The following PCCA variants were observed in gnomAD, a reference collection of about 807,000 sequenced individuals.
PCCA encodes the protein propionyl-CoA carboxylase subunit alpha.
In PCCA, 74 loss-of-function variants were observed where a neutral mutation model predicts 101.3. The ratio of observed to expected loss-of-function variants is 0.73; its 90% CI spans 0.61 to 0.89. The LOEUF (loss-of-function observed/expected upper bound fraction) is 0.89, where lower values mean the gene tolerates loss of function less well. PCCA is among the 40% of genes least tolerant of loss of function. The pLI is 0.00. For missense variants in PCCA, 891 were observed against 907.0 expected, an observed-to-expected ratio of 0.98 and a Z score of 0.23; for synonymous variants, 294 against 313.6, an observed-to-expected ratio of 0.94 and a Z score of 0.66.
In PCCA at chr13:100,328,689, A is replaced by ATTTTTT. The variant is rs757599001; in HGVS notation, c.1430-1855_1430-1850dup. Among the ~76,000 whole-genome samples, 72 of 98,214 alleles carry ATTTTTT rather than the reference A, an allele frequency of 7.3e-4. 3 individuals carry two copies. Among genetic ancestry groups the ATTTTTT allele is most frequent in the East Asian group, 1.1e-3 (3 of 2,750 alleles). 64.4% of individuals were successfully genotyped at this position (98,214 alleles called of 152,430 possible). A position where few individuals can be genotyped will look rare whatever the true frequency, so the allele number is the denominator to read the frequency against. ...TTGTTAGGTGTTAGCGTTGAGGTTA[A>ATTTTTT]TTTTTTTTTTTTTTTTTTTTTTGAG... On this transcript the variant is annotated intron_variant, in intron 16 of 23. Coordinates refer to ENST00000376285, the MANE Select transcript of PCCA (RefSeq NM_000282.4).
At chr13:100,343,048 A>G (rs770060995) in intron 18 of PCCA, among the ~76,000 whole-genome samples, 12 of 152,134 alleles carry the variant, frequency 7.9e-5, no homozygotes, top group Non-Finnish European at 1.8e-4. Context: ...TACAAAAATT[A>G]GCGGGGGCGT....
At chr13:100,492,429 C>T (rs1164287994) in intron 21 of PCCA, among the ~76,000 whole-genome samples, 3 of 152,120 alleles carry the variant, frequency 2.0e-5, no homozygotes, top group East Asian at 2.0e-4. Context: ...CCGCCGAGCC[C>T]GGTGGACTGT....
intron 4 of PCCA, 89 bp from the exon 5 acceptor site, chr13:100,154,890 A>C (rs2152382634): frequency 7.0e-6 from 6 of 859,768 alleles, no homozygotes; most frequent in Non-Finnish European, 1.2e-5. Flanking sequence ...TAGGCAGAAC[A>C]ATCAGATTTG....
chr13:100,281,051 C>T (rs1247630525), intron 12 of PCCA, among the ~76,000 whole-genome samples: 2 of 152,122 alleles, frequency 1.3e-5, no homozygotes, highest in African/African-American at 4.8e-5. Context: ...GTGATCACAT[C>T]GACTGTATGA....
At chr13:100,138,523 C>T (rs529271082) in intron 4 of PCCA, among the ~76,000 whole-genome samples, 2 of 152,262 alleles carry the variant, frequency 1.3e-5, no homozygotes, top group South Asian at 2.1e-4. Flanking sequence ...GTTGCTCTTC[C>T]TTCATTCCTT....
rs2059095579 is a variant in PCCA, at chr13:100,209,743, T to G, written c.600+280T>G. Among the ~76,000 whole-genome samples the G allele has an allele frequency of 2.0e-5, 3 of 151,912 alleles. No homozygotes were observed. The South Asian group carries it at 6.2e-4, about 32-fold the overall frequency. On this transcript the variant is annotated intron_variant, in intron 7 of 23. Transcript: ENST00000376285. ...GCCTCCTGGGTTCAAGCGATTCTCC[T>G]GCCTCAGCCTCCCGAGTAGCTGGGA...
At chr13:100,113,133 T>G (rs2152281722) in intron 4 of PCCA, among the ~76,000 whole-genome samples, 1 of 152,182 alleles carries the variant, frequency 6.6e-6, no homozygotes, top group East Asian at 1.9e-4. Flanking sequence ...CAGAATGTAC[T>G]TACACAAACC....
At chr13:100,200,736 A>G (rs1398894357) in intron 6 of PCCA, among the ~76,000 whole-genome samples, 2 of 151,270 alleles carry the variant, frequency 1.3e-5, no homozygotes, top group East Asian at 3.9e-4. Context: ...TGTATATAAA[A>G]CAAATTTATA....
intron 21 of PCCA, among the ~76,000 whole-genome samples, chr13:100,500,877 C>T (rs1302463022): frequency 2.6e-5 from 4 of 152,368 alleles, no homozygotes; most frequent in Admixed American, 1.3e-4. Flanking sequence ...GGCGCAGTGG[C>T]TCACGCCTGT....
chr13:100,380,927 A>G (rs1405721012), intron 19 of PCCA, among the ~76,000 whole-genome samples: 2 of 152,244 alleles, frequency 1.3e-5, no homozygotes, highest in Non-Finnish European at 2.9e-5. Context: ...TAGGCAAAAG[A>G]TCTGAATAGA....
intron 16 of PCCA, among the ~76,000 whole-genome samples, chr13:100,320,153 TTG>T (rs1483798437): frequency 2.0e-5 from 3 of 152,244 alleles, no homozygotes; most frequent in East Asian, 3.8e-4. Flanking sequence ...ATAAGAATGC[TTG>T]TGATTTTTGC....
At chr13:100,510,487 G>A (rs760165200) in intron 21 of PCCA, among the ~76,000 whole-genome samples, 5 of 152,222 alleles carry the variant, frequency 3.3e-5, no homozygotes, top group South Asian at 2.1e-4. Flanking sequence ...GCTTTGTACC[G>A]CACTACACCA....
At chr13:100,529,999 G>A (rs2088274859) in intron 23 of PCCA, 99 bp from the exon 24 acceptor site, 2 of 909,898 alleles carry the variant, frequency 2.2e-6, no homozygotes, top group Non-Finnish European at 3.6e-6. Flanking sequence ...TGAGCTTGCA[G>A]GACTGTGCAT....
intron 19 of PCCA, among the ~76,000 whole-genome samples, chr13:100,408,922 T>A (rs117265985): frequency 6.6e-6 from 1 of 152,222 alleles, no homozygotes; most frequent in Non-Finnish European, 1.5e-5. Context: ...AAGAACCTTT[T>A]ATTCTCATGC....
chr13:100,404,556 AAG>A (rs1365614922), intron 19 of PCCA, among the ~76,000 whole-genome samples: 1 of 152,108 alleles, frequency 6.6e-6, no homozygotes, highest in Non-Finnish European at 1.5e-5. Flanking sequence ...CCTATCTAGA[AAG>A]AGGGGAGCAG....
At chr13:100,288,110 T>A (rs1412692131) in intron 12 of PCCA, among the ~76,000 whole-genome samples, 1 of 152,200 alleles carries the variant, frequency 6.6e-6, no homozygotes, top group Non-Finnish European at 1.5e-5. Flanking sequence ...AGACGGAGTT[T>A]TTATCATAAT....
chr13:100,522,304 T>C (rs2087365276), intron 22 of PCCA, among the ~76,000 whole-genome samples: 1 of 152,234 alleles, frequency 6.6e-6, no homozygotes, highest in South Asian at 2.1e-4. Flanking sequence ...CAGTTTCTAA[T>C]GTCATGTGGG....
intron 18 of PCCA, among the ~76,000 whole-genome samples, chr13:100,343,697 A>G (rs900894222): frequency 1.8e-4 from 28 of 152,248 alleles, no homozygotes; most frequent in Admixed American, 1.8e-3. Flanking sequence ...GTATGAATGT[A>G]TTACAATCTC....
intron 9 of PCCA, among the ~76,000 whole-genome samples, chr13:100,261,563 A>C (rs183658227): frequency 2.0e-5 from 3 of 152,156 alleles, no homozygotes; most frequent in African/African-American, 7.2e-5. Flanking sequence ...ATGGGATTTC[A>C]TCATGTTGGC....
Sources: gnomAD v4.1 joint callset for allele counts (sites outside exome capture counted in the v4.1 genomes callset) on GRCh38, gnomAD v4.1.1 for gene constraint, MANE v1.5 for transcripts, NCBI Gene and HGNC (gene_info 2026-07-23, HGNC 2026-07-21) for gene names.